Variants in FAIM2 observed in about 807,000 individuals in gnomAD.
FAIM2 encodes the protein protein lifeguard 2.
FAIM2 carries 27 observed loss-of-function variants against 47.4 expected under a neutral mutation model. That is an observed-to-expected ratio of 0.57 (90% confidence interval 0.42 to 0.78). FAIM2 has a LOEUF of 0.78. Ranked by LOEUF, FAIM2 falls within the 30% of genes least tolerant of loss-of-function variation. The pLI is 0.00. For synonymous variants in FAIM2, 156 were observed against 159.3 expected (o/e 0.98, Z 0.16); for missense variants, 311 against 389.4 (o/e 0.80, Z 1.69).
chr12:49,877,586 A>AATTT, intron 11 of FAIM2, among the ~76,000 whole-genome samples: 1 of 152,402 alleles, frequency 6.6e-6, no homozygotes, highest in South Asian at 2.1e-4. Context: ...AATTGTGAGG[A>AATTT]AGGTAGGGCA....
chr12:49,893,110 C>T (rs1168369518), intron 5 of FAIM2, among the ~76,000 whole-genome samples: 1 of 152,208 alleles, frequency 6.6e-6, no homozygotes, highest in Non-Finnish European at 1.5e-5. Flanking sequence ...TGCAGGAGCC[C>T]ACCTGCCTTC....
At chr12:49,889,440 C>T in intron 9 of FAIM2, 41 bp downstream of exon 9, 2 of 1,572,188 alleles carry the variant, frequency 1.3e-6, no homozygotes, top group Non-Finnish European at 8.8e-7. Flanking sequence ...CCCTGCTCAG[C>T]CTCAGGCCAG....
intron 11 of FAIM2, among the ~76,000 whole-genome samples, chr12:49,878,089 A>AGTGCATGTGT (rs138878564): frequency 8.9e-6 from 1 of 111,822 alleles, no homozygotes; most frequent in Non-Finnish European, 1.9e-5. Context: ...TGTGCATGTG[A>AGTGCATGTGT]GTGCATGTGT....
intron 11 of FAIM2, among the ~76,000 whole-genome samples, chr12:49,873,373 C>T (rs1946715626): frequency 2.6e-5 from 4 of 152,058 alleles, no homozygotes; most frequent in African/African-American, 7.2e-5. Context: ...CTCTCCATTC[C>T]GCTCTGCTCC....
chr12:49,879,044 GTT>G (rs797018542), intron 11 of FAIM2, among the ~76,000 whole-genome samples: 2,426 of 135,400 alleles, frequency 0.018, 420 homozygotes, highest in African/African-American at 0.02. Flanking sequence ...GTGTGCATGA[GTT>G]TGTGTATGTG....
At chr12:49,896,975 C>G in intron 5 of FAIM2, 56 bp downstream of exon 5, 1 of 1,389,918 alleles carries the variant, frequency 7.2e-7, no homozygotes. Flanking sequence ...CAGAGATTCC[C>G]TCTTCTGGCC....
At position 49,878,605 on chromosome 12, in the gene FAIM2, C is replaced by T. The variant is rs1320413386; in HGVS notation, c.802-7952G>A. Among the ~76,000 whole-genome samples the T allele has an allele frequency of 3.2e-5, 4 of 124,940 alleles. 1 individual carries two copies. The highest frequency in any genetic ancestry group is 9.5e-5 in the African/African-American group (3 of 31,704). The allele number at this position is 124,940 out of a possible 152,430, so 82.0% of individuals were successfully genotyped here. ...ATGTACATGTGTATGTGTATGTGTG[C>T]ATGTGTATGTGTGCATATGTGTATG... On this transcript the variant is annotated intron_variant, in intron 11 of 11. Transcript: ENST00000320634.
At position 49,867,189 on chromosome 12, in the gene FAIM2, G is replaced by C. The variant is rs1375923686; in HGVS notation, c.*3315C>G. ...GTGGCTGATGAGAAGACAGGTCTGGGGAGGTCTGAGGAGAGCTCGGGCCAG... is the reference window on the plus strand; with the variant it reads ...GTGGCTGATGAGAAGACAGGTCTGGCGAGGTCTGAGGAGAGCTCGGGCCAG... On this transcript the variant is annotated 3_prime_UTR_variant, in exon 12 of 12. Transcript: ENST00000320634. 2.0e-5 allele frequency: 3 copies of C among 152,260 alleles called. No homozygotes were observed. The highest frequency in any genetic ancestry group is 4.4e-5 in the Non-Finnish European group (3 of 68,100). 9.4% of individuals were successfully genotyped at this position (152,260 alleles called of 1,614,324 possible). A position where few individuals can be genotyped will look rare whatever the true frequency, so the allele number is the denominator to read the frequency against.
Position 49,874,660 on chromosome 12 carries a change from C to G in FAIM2, c.802-4007G>C, listed in dbSNP as rs949582986. Among the ~76,000 whole-genome samples the G allele has an allele frequency of 6.6e-6, 1 of 152,194 alleles. No homozygotes were observed. Among genetic ancestry groups the G allele is most frequent in the African/African-American group, 2.4e-5 (1 of 41,448 alleles). On this transcript the variant is annotated intron_variant, in intron 11 of 11. Transcript: ENST00000320634. This position sits in a 1 kb window ranked among gnomAD's most constrained non-coding sequence, Gnocchi z 4.2. The stretch of plus-strand genomic sequence containing the variant: ...ATGCCATGGAAAGGCCAGCTCAGAG[C>G]CACCCGCAGGCAGGCACTGAATACA...
At chr12:49,891,207 C>G (rs1040365730) in intron 5 of FAIM2, 93 bp from the exon 6 acceptor site, 1 of 1,222,348 alleles carries the variant, frequency 8.2e-7, no homozygotes. Flanking sequence ...CCACCCCCAC[C>G]CACAGGGCAG....
rs1442721480 is a variant in FAIM2 at position 49,903,781 on chromosome 12, T to C, written c.12A>G (p.Gly4=). 6.5e-7 allele frequency: 1 copy of C among 1,547,158 alleles called. No individual in the cohort carries two copies. The highest frequency in any genetic ancestry group is 2.5e-5 in the East Asian group (1 of 40,364). The change falls in exon 1 of 12, where the codon GGA becomes GGG. Residue 4 remains glycine (G), a synonymous_variant. Transcript: ENST00000320634. MTQ[G]KLSVANKAPG... ...CAGGCTGGGGAGATGCCGGTACCTT[T>C]CCCTGGGTCATGGTGCCGTCTCTCG... is the stretch of plus-strand genomic sequence containing the variant.
intron 10 of FAIM2, 114 bp from the exon 11 acceptor site, chr12:49,887,553 T>A: frequency 1.1e-6 from 1 of 904,688 alleles, no homozygotes; most frequent in Non-Finnish European, 1.8e-6. Flanking sequence ...TGCCCAGAGC[T>A]CCCTAAGGAG....
At chr12:49,884,505 CAG>C (rs146608778) in intron 11 of FAIM2, among the ~76,000 whole-genome samples, 1 of 151,994 alleles carries the variant, frequency 6.6e-6, no homozygotes, top group African/African-American at 2.4e-5. Context: ...ATACTGATGA[CAG>C]AGAGAGAGAG....
intron 11 of FAIM2, among the ~76,000 whole-genome samples, chr12:49,878,392 G>GTGTGTGTGCA (rs142129827): frequency 8.0e-6 from 1 of 125,120 alleles, no homozygotes. Context: ...GTGTATATGT[G>GTGTGTGTGCA]TGTGTCTGTG....
chr12:49,876,136 T>G (rs1946735096), intron 11 of FAIM2, among the ~76,000 whole-genome samples: 1 of 152,200 alleles, frequency 6.6e-6, no homozygotes, highest in South Asian at 2.1e-4. Flanking sequence ...CACACAGACC[T>G]GGGTTCAAAT....
intron 11 of FAIM2, among the ~76,000 whole-genome samples, chr12:49,884,713 G>A (rs988222946): frequency 2.0e-5 from 3 of 152,318 alleles, no homozygotes; most frequent in Middle Eastern, 3.4e-3. Context: ...GGTCACTCAC[G>A]CCTGTAATCC....
chr12:49,884,119 G>A (rs978869017), intron 11 of FAIM2, among the ~76,000 whole-genome samples: 2 of 152,124 alleles, frequency 1.3e-5, no homozygotes, highest in African/African-American at 4.8e-5. Flanking sequence ...AGCTACTCAG[G>A]AGGCTGAGGC....
chr12:49,879,976 ATG>A (rs1565614527), intron 11 of FAIM2, among the ~76,000 whole-genome samples: 13 of 90,982 alleles, frequency 1.4e-4, no homozygotes, highest in Non-Finnish European at 2.2e-4. Flanking sequence ...GTGTGTGTAT[ATG>A]TGAGTGTATG....
At chr12:49,872,688 G>A (rs1946711474) in intron 11 of FAIM2, among the ~76,000 whole-genome samples, 1 of 152,162 alleles carries the variant, frequency 6.6e-6, no homozygotes, top group South Asian at 2.1e-4. Context: ...GTGAGGAGGT[G>A]GGGGCAATTA....
Sources: gnomAD v4.1 joint callset for allele counts (sites outside exome capture counted in the v4.1 genomes callset) on GRCh38, gnomAD v4.1.1 for gene constraint, Gnocchi (gnomAD v3.1) non-coding constraint, MANE v1.5 for transcripts, NCBI Gene and HGNC (gene_info 2026-07-23, HGNC 2026-07-21) for gene names.